The following CYP4X1 variants were observed in gnomAD, a reference collection of about 807,000 sequenced individuals.
The protein encoded by CYP4X1 is cytochrome P450 family 4 subfamily X member 1.
In CYP4X1, 44 loss-of-function variants were observed where a neutral mutation model predicts 57.9. The ratio of observed to expected loss-of-function variants is 0.76; its 90% CI spans 0.60 to 0.98. The LOEUF (loss-of-function observed/expected upper bound fraction) is 0.98, where lower values mean the gene tolerates loss of function less well. Ranked by LOEUF, CYP4X1 falls within the 50% of genes least tolerant of loss-of-function variation. CYP4X1 has a pLI of 0.00. For missense variants in CYP4X1, 532 were observed against 623.9 expected (o/e 0.85, Z 1.57); for synonymous variants, 227 against 228.6 (o/e 0.99, Z 0.06).
intron 4 of CYP4X1, among the ~76,000 whole-genome samples, chr1:47,034,787 C>T (rs925117826): frequency 6.6e-6 from 1 of 151,942 alleles, no homozygotes; most frequent in African/African-American, 2.4e-5. Context: ...TTAGAGTTTT[C>T]TCTCTATTTC....
At position 47,031,480 on chromosome 1, in the gene CYP4X1, G is replaced by A. The variant is rs751997011; in HGVS notation, c.364G>A (p.Gly122Arg). The A allele has an allele frequency of 7.5e-5, 121 of 1,613,836 alleles. No individual in the cohort carries two copies. Among genetic ancestry groups the A allele is most frequent in the Non-Finnish European group, 9.4e-5 (111 of 1,179,948 alleles). ...YLQKFSPPLL[G>R]KGLAALDGPK... ...GCAGAAATTCTCACCTCCACTTCTT[G>A]GTATGTATGTGCAAATGAGAGGTAT... is the stretch of plus-strand genomic sequence containing the variant. Residue 122 changes from glycine to arginine, a missense_variant and splice_region_variant, in exon 3 of 12, where the codon GGA (glycine) becomes AGA (arginine). Gly to Arg is a moderately radical substitution (Grantham distance 125). Coordinates refer to ENST00000371901, the MANE Select transcript of CYP4X1 (RefSeq NM_178033.2).
the CYP4X1 span, among the ~76,000 whole-genome samples, chr1:47,005,945 T>C: frequency 2.0e-5 from 3 of 152,334 alleles, no homozygotes; most frequent in East Asian, 3.9e-4. Context: ...AAAATACCTA[T>C]GTATTTAACT....
At chr1:47,008,244 C>T in the CYP4X1 span, among the ~76,000 whole-genome samples, 11 of 152,184 alleles carry the variant, frequency 7.2e-5, no homozygotes, top group African/African-American at 2.7e-4. Flanking sequence ...ACTCTACAAG[C>T]CAGAAGAGAG....
At chr1:47,007,541 C>T in the CYP4X1 span, among the ~76,000 whole-genome samples, 1 of 152,220 alleles carries the variant, frequency 6.6e-6, no homozygotes, top group Non-Finnish European at 1.5e-5. Flanking sequence ...CAAAGGAACA[C>T]AGCTCCTCAC....
chr1:47,045,750 G>C (rs144780058), intron 8 of CYP4X1, among the ~76,000 whole-genome samples: 5 of 152,326 alleles, frequency 3.3e-5, no homozygotes, highest in Non-Finnish European at 7.3e-5. Flanking sequence ...TTTCTCTCAA[G>C]AGGAAACTCC....
chr1:47,047,017 A>G (rs1233282829), intron 9 of CYP4X1, among the ~76,000 whole-genome samples: 2 of 152,158 alleles, frequency 1.3e-5, no homozygotes, highest in Non-Finnish European at 2.9e-5. Context: ...TAAATATACA[A>G]CATTTAATAG....
chr1:47,041,818 C>T (rs1326006080), intron 8 of CYP4X1, among the ~76,000 whole-genome samples: 1 of 152,024 alleles, frequency 6.6e-6, no homozygotes, highest in Non-Finnish European at 1.5e-5. Context: ...CTTCTGTTGA[C>T]TATACTTCCA....
the CYP4X1 span, among the ~76,000 whole-genome samples, chr1:47,007,461 A>G: frequency 2.0e-5 from 3 of 152,168 alleles, no homozygotes; most frequent in African/African-American, 7.2e-5. Context: ...GGTAGATAAA[A>G]CCACAAAGAT....
chr1:46,971,589 T>G, the CYP4X1 span, among the ~76,000 whole-genome samples: 1 of 152,178 alleles, frequency 6.6e-6, no homozygotes, highest in Non-Finnish European at 1.5e-5. Flanking sequence ...CATCTGTTGT[T>G]TTTTTGATAT....
chr1:47,042,216 C>T (rs2148513535), intron 8 of CYP4X1, among the ~76,000 whole-genome samples: 1 of 150,984 alleles, frequency 6.6e-6, no homozygotes, highest in Admixed American at 6.6e-5. Flanking sequence ...TATGATGCCT[C>T]CAGCTTTGCT....
chr1:46,985,277 G>T, the CYP4X1 span, among the ~76,000 whole-genome samples: 7 of 152,136 alleles, frequency 4.6e-5, no homozygotes, highest in African/African-American at 1.7e-4. Context: ...GCAGTGAGCC[G>T]AGATCATGCC....
chr1:47,049,568 T>C, intron 11 of CYP4X1, 64 bp downstream of exon 11: 8 of 1,398,758 alleles, frequency 5.7e-6, no homozygotes, highest in Non-Finnish European at 8.1e-6. Context: ...GTTTATTCCT[T>C]TCAGCTCCTC....
rs778167615 is a variant in CYP4X1, at chr1:47,035,950, C to T, written c.620+17C>T. Reference sequence around the variant, plus strand: ...GACAAACAGGTCAGTGGTGGGAGAGCAAAAAAGATATTTCTTCACATTTTC... The same window carrying T: ...GACAAACAGGTCAGTGGTGGGAGAGTAAAAAAGATATTTCTTCACATTTTC... On this transcript the variant is annotated intron_variant, in intron 5 of 11. Transcript: ENST00000371901. The T allele has an allele frequency of 1.2e-6, 2 of 1,608,916 alleles. No individual in the cohort carries two copies. The highest frequency in any genetic ancestry group is 2.2e-5 in the East Asian group (1 of 44,818).
the CYP4X1 span, among the ~76,000 whole-genome samples, chr1:47,002,439 A>G: frequency 2.0e-5 from 3 of 152,232 alleles, no homozygotes; most frequent in Non-Finnish European, 4.4e-5. Context: ...AATGCTTAGG[A>G]GGAAGTTCTC....
the CYP4X1 span, among the ~76,000 whole-genome samples, chr1:47,009,833 C>T: frequency 6.6e-6 from 1 of 152,200 alleles, no homozygotes; most frequent in African/African-American, 2.4e-5. Flanking sequence ...AATTCCTCGA[C>T]ACATACACCT....
chr1:46,977,622 A>G, the CYP4X1 span, among the ~76,000 whole-genome samples: 117 of 152,186 alleles, frequency 7.7e-4, 1 homozygote, highest in African/African-American at 2.8e-3. Flanking sequence ...GGAAATACAG[A>G]GACCAACAAA....
the CYP4X1 span, among the ~76,000 whole-genome samples, chr1:46,977,341 G>A: frequency 4.6e-5 from 7 of 152,248 alleles, no homozygotes; most frequent in African/African-American, 1.2e-4. Context: ...ACAAGCTTCA[G>A]TAGACAATTC....
chr1:46,990,151 C>T, the CYP4X1 span, among the ~76,000 whole-genome samples: 1 of 152,214 alleles, frequency 6.6e-6, no homozygotes, highest in African/African-American at 2.4e-5. Context: ...ATCTGTCCAT[C>T]TGACAAAGGG....
the CYP4X1 span, among the ~76,000 whole-genome samples, chr1:47,007,577 G>C: frequency 6.6e-6 from 1 of 152,202 alleles, no homozygotes; most frequent in African/African-American, 2.4e-5. Flanking sequence ...GCTGGACGGA[G>C]AATGACTTTG....
Sources: gnomAD v4.1 joint callset for allele counts (sites outside exome capture counted in the v4.1 genomes callset) on GRCh38, gnomAD v4.1.1 for gene constraint, MANE v1.5 for transcripts, NCBI Gene and HGNC (gene_info 2026-07-23, HGNC 2026-07-21) for gene names.